SIM1: variants seen among roughly 807,000 people sequenced by gnomAD.
SIM1 encodes single-minded homolog 1.
Under a neutral mutation model 78.2 loss-of-function variants are expected in SIM1, and 18 were observed. The ratio of observed to expected loss-of-function variants is 0.23; its 90% CI spans 0.16 to 0.34. The LOEUF (loss-of-function observed/expected upper bound fraction) is 0.34, where lower values mean the gene tolerates loss of function less well. Ranked by LOEUF, SIM1 falls within the 10% of genes least tolerant of loss-of-function variation. The pLI is 1.00. For synonymous variants in SIM1, 417 were observed against 385.2 expected (o/e 1.08, Z -0.97); for missense variants, 939 against 975.1 (o/e 0.96, Z 0.49).
intron 9 of SIM1, among the ~76,000 whole-genome samples, chr6:100,434,635 T>C (rs929503865): frequency 2.0e-5 from 3 of 152,148 alleles, no homozygotes; most frequent in African/African-American, 7.2e-5. Context: ...CGGTTTTCAG[T>C]AGGAAGAGGT....
chr6:100,440,299 T>C (rs758021997), intron 9 of SIM1, among the ~76,000 whole-genome samples: 1 of 152,180 alleles, frequency 6.6e-6, no homozygotes, highest in Non-Finnish European at 1.5e-5. Context: ...AGCTATTATG[T>C]AGCATAGTCT....
In SIM1 at chr6:100,425,950, CCTT is replaced by C. The variant is rs560688343; in HGVS notation, c.999-4995_999-4993del. On this transcript the variant is annotated intron_variant, in intron 9 of 11. Coordinates refer to ENST00000369208, the MANE Select transcript of SIM1 (RefSeq NM_005068.3). ...TCTAAATGAAGGACAGCACTGCTCT[CCTT>C]CTAAAGTTTTCTTGAAAAGTGCCAC... is the stretch of plus-strand genomic sequence containing the variant. 5.9e-5 allele frequency among the ~76,000 whole-genome samples: 9 copies of C among 152,302 alleles called. No individual in the cohort carries two copies. In the South Asian group the frequency reaches 1.9e-3, roughly 32 times the overall value.
chr6:100,446,975 T>A (rs1582315634), intron 9 of SIM1, among the ~76,000 whole-genome samples: 1 of 152,362 alleles, frequency 6.6e-6, no homozygotes, highest in Non-Finnish European at 1.5e-5. Flanking sequence ...GCATTAAGTT[T>A]TATTTAATGC....
chr6:100,439,050 C>CCACATAATCA, intron 9 of SIM1, among the ~76,000 whole-genome samples: 1 of 152,116 alleles, frequency 6.6e-6, no homozygotes, highest in East Asian at 1.9e-4. Flanking sequence ...TCATAAATCA[C>CCACATAATCA]CACTAAGGAA....
At position 100,389,798 on chromosome 6, in the gene SIM1, G is replaced by A. The variant is rs1770590568; in HGVS notation, c.*563C>T. 2.5e-6 allele frequency: 1 copy of A among 398,874 alleles called. No homozygotes were observed. The highest frequency in any genetic ancestry group is 2.1e-5 in the African/African-American group (1 of 48,612). The allele number at this position is 398,874 out of a possible 1,614,324, so 24.7% of individuals were successfully genotyped here. Reference sequence around the variant, plus strand: ...AGAACCATTTCTCTAATTTATGCCTGAACCAAATGAGCTGGCTGATTTGAA... The same window carrying A: ...AGAACCATTTCTCTAATTTATGCCTAAACCAAATGAGCTGGCTGATTTGAA... On this transcript the variant is annotated 3_prime_UTR_variant, in exon 12 of 12. Coordinates refer to ENST00000369208, the MANE Select transcript of SIM1 (RefSeq NM_005068.3).
rs1304257792 is a variant in SIM1, at chr6:100,388,391, C to T, written c.*1970G>A. The T allele has an allele frequency of 6.6e-6, 1 of 152,182 alleles. No individual in the cohort carries two copies. Among genetic ancestry groups the T allele is most frequent in the Non-Finnish European group, 1.5e-5 (1 of 68,020 alleles). 9.4% of individuals were successfully genotyped at this position (152,182 alleles called of 1,614,324 possible). On this transcript the variant is annotated 3_prime_UTR_variant, in exon 12 of 12. Coordinates refer to ENST00000369208, the MANE Select transcript of SIM1 (RefSeq NM_005068.3). ...CACACATAAGTGAATCTGCACAGTTCAAACCCATGTTATTCAAGGGTCAAC... is the reference window on the plus strand; with the variant it reads ...CACACATAAGTGAATCTGCACAGTTTAAACCCATGTTATTCAAGGGTCAAC...
chr6:100,462,898 C>CAA (rs146777329), intron 2 of SIM1: 4,611 of 161,678 alleles, frequency 0.029, 71 homozygotes, highest in East Asian at 0.039. Flanking sequence ...CCACACCTGG[C>CAA]AAAAAAAAAA....
intron 8 of SIM1, 141 bp downstream of exon 8, chr6:100,448,005 A>G (rs973380766): frequency 3.2e-6 from 2 of 629,056 alleles, no homozygotes; most frequent in South Asian, 2.0e-5. Flanking sequence ...GAAGTCCCTC[A>G]GGAGGCCTCA....
intron 10 of SIM1, among the ~76,000 whole-genome samples, chr6:100,417,534 C>T (rs952590810): frequency 1.3e-5 from 2 of 152,106 alleles, no homozygotes; most frequent in African/African-American, 4.8e-5. Context: ...TATTCCTTAA[C>T]AGTATACAAA....
chr6:100,395,527 G>A (rs1398064556), intron 10 of SIM1, among the ~76,000 whole-genome samples: 1 of 152,176 alleles, frequency 6.6e-6, no homozygotes, highest in African/African-American at 2.4e-5. Context: ...CAGTGAAGGG[G>A]CAGGAACTGT....
intron 10 of SIM1, among the ~76,000 whole-genome samples, chr6:100,413,326 C>G (rs1158447277): frequency 6.6e-6 from 1 of 152,150 alleles, no homozygotes; most frequent in Non-Finnish European, 1.5e-5. Context: ...TGCTAAGGAC[C>G]TCTAGGTGGC....
intron 9 of SIM1, chr6:100,427,334 T>G (rs1771762683): frequency 6.6e-6 from 1 of 152,224 alleles, no homozygotes; most frequent in South Asian, 2.1e-4. Flanking sequence ...CTCCTTGTAG[T>G]TTTCTCCATT....
chr6:100,421,216 C>T (rs920273437), intron 9 of SIM1, among the ~76,000 whole-genome samples: 2 of 152,020 alleles, frequency 1.3e-5, no homozygotes, highest in Non-Finnish European at 2.9e-5. Flanking sequence ...CTTCTGTGAG[C>T]TCTTTGATGA....
intron 9 of SIM1, among the ~76,000 whole-genome samples, chr6:100,428,185 G>T (rs1771786504): frequency 6.6e-6 from 1 of 152,054 alleles, no homozygotes; most frequent in Admixed American, 6.6e-5. Context: ...TTAATAAAAG[G>T]TACTTATTTT....
In SIM1 at chr6:100,453,836, C is replaced by T. The variant is rs201038781; in HGVS notation, c.184G>A (p.Glu62Lys). ...GTCCGACTTGAGTGGCCCCACGCCT[C>T]GCCGAGCCCTGTGGAGACACAGAAG... ...MRVVFPEGLGEAWGHSSRTSP... is the reference protein window; with the variant it reads ...MRVVFPEGLGKAWGHSSRTSP... Residue 62 changes from glutamate to lysine, a missense_variant, in exon 3 of 12, where the codon GAG becomes AAG. Glu to Lys is a moderately conservative substitution (Grantham distance 56, BLOSUM62 1). Transcript: ENST00000369208. 8.7e-6 allele frequency: 14 copies of T among 1,611,302 alleles called. No individual in the cohort carries two copies. The Admixed American group carries it at 1.0e-4, about 12-fold the overall frequency.
At chr6:100,461,842 T>TTTTTTTTTTTTTTTTTTTTTTTTTTTC in intron 2 of SIM1, among the ~76,000 whole-genome samples, 1 of 1,742 alleles carries the variant, frequency 5.7e-4, no homozygotes, top group Non-Finnish European at 1.4e-3. Flanking sequence ...TCTTTCTTTC[T>TTTTTTTTTTTTTTTTTTTTTTTTTTTC]TTTTTTTTTT....
rs1160981902 is a variant in SIM1, at chr6:100,412,681, GAA to G, written c.1167+8107_1167+8108del. On this transcript the variant is annotated intron_variant, in intron 10 of 11. Transcript: ENST00000369208. ...AGAGAGAGAGAGAGAGAGAAAGAAA[GAA>G]AAAGAAAGAAAGAAAGAAAGAAAGA... Among the ~76,000 whole-genome samples, 144 of 72,278 alleles carry G rather than the reference GAA, an allele frequency of 2.0e-3. 2 individuals carry two copies. The highest frequency in any genetic ancestry group is 7.2e-3 in the Middle Eastern group (1 of 138). The allele number at this position is 72,278 out of a possible 152,430, so 47.4% of individuals were successfully genotyped here. A position where few individuals can be genotyped will look rare whatever the true frequency, so the allele number is the denominator to read the frequency against.
In SIM1 at chr6:100,393,604, C is replaced by A. The variant is rs1381875931; in HGVS notation, c.1453G>T (p.Gly485Trp). 2 of 1,613,940 alleles carry A rather than the reference C, an allele frequency of 1.2e-6. No homozygotes were observed. The highest frequency in any genetic ancestry group is 1.7e-5 in the Admixed American group (1 of 60,000). ...CGAGAGCCCCACCAGGGCTCCCTCC[C>A]GGCCTGCGGCGTTCCCAGGAAGTAC... ...GRYFLGTPQA[G>W]REPWWGSRAA... is the part of the protein sequence containing the mutation. Residue 485 changes from glycine to tryptophan, a missense_variant, in exon 11 of 12, where the codon GGG becomes TGG. This residue lies in a region of SIM1 where 556 missense variants were observed against 521.9 expected (regional missense o/e 1.07). Coordinates refer to ENST00000369208, the MANE Select transcript of SIM1 (RefSeq NM_005068.3).
chr6:100,459,965 T>G (rs1371604254), intron 2 of SIM1, among the ~76,000 whole-genome samples: 1 of 152,224 alleles, frequency 6.6e-6, no homozygotes, highest in African/African-American at 2.4e-5. Flanking sequence ...TTTATACATT[T>G]CCATGTGCCT....
Sources: allele counts gnomAD v4.1 joint callset (sites outside exome capture counted in the v4.1 genomes callset), GRCh38; gene constraint gnomAD v4.1.1; regional missense constraint gnomAD v4.1.1; transcripts MANE v1.5; gene names NCBI Gene and HGNC (gene_info 2026-07-23, HGNC 2026-07-21).